Variants in NMT1 observed in about 807,000 individuals in gnomAD.
The protein encoded by NMT1 is glycylpeptide N-tetradecanoyltransferase 1.
A neutral mutation model predicts 63.4 loss-of-function variants in NMT1; 12 were observed. The ratio of observed to expected loss-of-function variants is 0.19; its 90% CI spans 0.12 to 0.31. The LOEUF (loss-of-function observed/expected upper bound fraction) is 0.31. Among genes scored for constraint, NMT1 ranks in the 10% least tolerant of loss-of-function variants. The pLI, the probability that NMT1 is intolerant of heterozygous loss-of-function variation, is 1.00. For synonymous variants in NMT1, 228 were observed against 234.3 expected (o/e 0.97, Z 0.25); for missense variants, 432 against 634.6 (o/e 0.68, Z 3.43).
At chr17:45,076,681 C>T (rs1384419652) in intron 1 of NMT1, among the ~76,000 whole-genome samples, 8 of 150,612 alleles carry the variant, frequency 5.3e-5, no homozygotes, top group East Asian at 3.9e-4. Context: ...ACCTAGGAGG[C>T]GGAGGCTGCA....
rs779405921 is a variant in NMT1 at position 45,086,534 on chromosome 17, C to G, written c.267C>G (p.Ile89Met). Residue 89 changes from isoleucine to methionine, a missense_variant, in exon 3 of 12, where the codon ATC becomes ATG. By Grantham distance (10) the Ile-to-Met change is conservative. Transcript: ENST00000258960. Reference sequence around the variant, plus strand: ...TGAACTCTTTGCCAGCAGAGAGGATCCAGGAAATACAGAAGGCCATTGAGC... The same window carrying G: ...TGAACTCTTTGCCAGCAGAGAGGATGCAGGAAATACAGAAGGCCATTGAGC... ...VKMNSLPAER[I>M]QEIQKAIELF... The G allele has an allele frequency of 1.2e-6, 2 of 1,611,872 alleles. No individual in the cohort carries two copies. Among genetic ancestry groups the G allele is most frequent in the Non-Finnish European group, 1.7e-6 (2 of 1,179,218 alleles).
At chr17:45,061,692 C>T (rs1597997506) in intron 1 of NMT1, 6 of 457,384 alleles carry the variant, frequency 1.3e-5, no homozygotes, top group Non-Finnish European at 2.4e-5. Context: ...AAGTTCTATG[C>T]AGTGTTCCAC....
chr17:45,080,790 G>C (rs924776881), intron 1 of NMT1, among the ~76,000 whole-genome samples: 1 of 148,238 alleles, frequency 6.7e-6, no homozygotes, highest in African/African-American at 2.5e-5. Flanking sequence ...TTTTTGAGAC[G>C]AGGTCTGTCT....
At chr17:45,079,631 A>G (rs987436971) in intron 1 of NMT1, among the ~76,000 whole-genome samples, 19 of 152,248 alleles carry the variant, frequency 1.2e-4, no homozygotes, top group Non-Finnish European at 5.9e-5. Flanking sequence ...AAGCAGCACA[A>G]GGAAGTCCCC....
At chr17:45,074,253 C>T (rs570893678) in intron 1 of NMT1, among the ~76,000 whole-genome samples, 3 of 147,360 alleles carry the variant, frequency 2.0e-5, no homozygotes, top group African/African-American at 5.1e-5. Flanking sequence ...CTCGCTCAGT[C>T]GCCCAGGCCG....
Position 45,104,662 on chromosome 17 carries a change from C to T in NMT1, c.1333-197C>T. 2.8e-6 allele frequency: 4 copies of T among 1,422,038 alleles called. No homozygotes were observed. Among genetic ancestry groups the T allele is most frequent in the Non-Finnish European group, 3.7e-6 (4 of 1,090,392 alleles). 88.1% of individuals were successfully genotyped at this position (1,422,038 alleles called of 1,614,324 possible). On this transcript the variant is annotated intron_variant, in intron 10 of 11. Transcript: ENST00000258960. This position sits in a 1 kb window ranked among gnomAD's most constrained non-coding sequence, Gnocchi z 4.2. ...CACTCTGAGGGACACTGGGCAGAGG[C>T]CAGGCTGGAGGGGGCGCTCAGAGTG...
At chr17:45,101,141 G>A (rs1408845537) in intron 8 of NMT1, among the ~76,000 whole-genome samples, 3 of 151,542 alleles carry the variant, frequency 2.0e-5, no homozygotes, top group Non-Finnish European at 2.9e-5. Flanking sequence ...CTGAGATAGC[G>A]CCATTGCACT....
At chr17:45,087,452 A>G (rs2054062236) in intron 3 of NMT1, among the ~76,000 whole-genome samples, 1 of 152,212 alleles carries the variant, frequency 6.6e-6, no homozygotes. Context: ...ACCCCTTAAA[A>G]AAGCTATAAT....
chr17:45,072,962 C>T (rs1438475880), intron 1 of NMT1, among the ~76,000 whole-genome samples: 1 of 152,148 alleles, frequency 6.6e-6, no homozygotes, highest in African/African-American at 2.4e-5. Context: ...CACAGCTGTC[C>T]TGTGCAAACA....
rs1271946369 is a variant in NMT1 at position 45,102,954 on chromosome 17, C to T, written c.997C>T (p.Pro333Ser). The T allele has an allele frequency of 1.2e-6, 2 of 1,610,362 alleles. No individual in the cohort carries two copies. Among genetic ancestry groups the T allele is most frequent in the Non-Finnish European group, 1.7e-6 (2 of 1,177,130 alleles). ...TMKLYRLPET[P>S]KTAGLRPMET... ...ATCTCTTCTGTCTTGCCTCCAGACT[C>T]CCAAGACAGCTGGGCTGCGACCAAT... The change falls in exon 9 of 12, where the codon CCC becomes TCC. Residue 333 changes from proline to serine, a missense_variant. Pro to Ser is a moderately conservative substitution (Grantham distance 74, BLOSUM62 -1). This residue lies in a region of NMT1 where 295 missense variants were observed against 489.7 expected (regional missense o/e 0.60). Coordinates refer to ENST00000258960, the MANE Select transcript of NMT1 (RefSeq NM_021079.5).
Position 45,099,485 on chromosome 17 carries a change from G to T in NMT1, c.965G>T (p.Arg322Leu). The T allele has an allele frequency of 6.2e-7, 1 of 1,613,930 alleles. No individual in the cohort carries two copies. Among genetic ancestry groups the T allele is most frequent in the South Asian group, 1.1e-5 (1 of 91,076 alleles). Residue 322 changes from arginine (R) to leucine (L), a missense_variant, in exon 8 of 12, where the codon CGC becomes CTC. This residue lies in a region of NMT1 where 295 missense variants were observed against 489.7 expected (regional missense o/e 0.60). Transcript: ENST00000258960. ...SHLSRNMTMQ[R>L]TMKLYRLPET... Reference sequence around the variant, plus strand: ...CTGAGCAGAAATATGACCATGCAGCGCACCATGAAGCTCTACCGACTGCCA... The same window carrying T: ...CTGAGCAGAAATATGACCATGCAGCTCACCATGAAGCTCTACCGACTGCCA...
At chr17:45,066,230 T>C (rs2143448745) in intron 1 of NMT1, among the ~76,000 whole-genome samples, 1 of 152,142 alleles carries the variant, frequency 6.6e-6, no homozygotes, top group African/African-American at 2.4e-5. Flanking sequence ...ATTTTTCATA[T>C]TTTAGTAGAG....
At chr17:45,066,908 T>TG (rs1459199503) in intron 1 of NMT1, among the ~76,000 whole-genome samples, 2 of 152,012 alleles carry the variant, frequency 1.3e-5, no homozygotes, top group African/African-American at 2.4e-5. Context: ...TCTGTAGAGA[T>TG]GGGGTCTCAC....
chr17:45,098,278 G>A lies in NMT1; in HGVS notation c.714-104G>A, dbSNP rs997385501. ...GCAGGTGGCAGCTAAAAGTACACCCGTGCTGCAGACCTGGTCCTTCTAGGT... is the reference window on the plus strand; with the variant it reads ...GCAGGTGGCAGCTAAAAGTACACCCATGCTGCAGACCTGGTCCTTCTAGGT... On this transcript the variant is annotated intron_variant, in intron 6 of 11. Coordinates refer to ENST00000258960, the MANE Select transcript of NMT1 (RefSeq NM_021079.5). 40 of 1,069,292 alleles carry A rather than the reference G, an allele frequency of 3.7e-5. No individual in the cohort carries two copies. The South Asian group carries it at 4.3e-4, about 11-fold the overall frequency. 66.2% of individuals were successfully genotyped at this position (1,069,292 alleles called of 1,614,324 possible). A position where few individuals can be genotyped will look rare whatever the true frequency, so the allele number is the denominator to read the frequency against.
At chr17:45,064,211 A>G (rs1306951543) in intron 1 of NMT1, among the ~76,000 whole-genome samples, 1 of 152,146 alleles carries the variant, frequency 6.6e-6, no homozygotes, top group Non-Finnish European at 1.5e-5. Context: ...AAATTATTTT[A>G]TTTGTAGTAG....
intron 8 of NMT1, chr17:45,099,851 G>T (rs2054149561): frequency 3.9e-6 from 1 of 256,824 alleles, no homozygotes; most frequent in African/African-American, 2.2e-5. Flanking sequence ...ACACACGGCA[G>T]CGCGTTCCAA....
chr17:45,102,901 A>G (rs763217149), intron 8 of NMT1, 50 bp from the exon 9 acceptor site: 1 of 1,547,076 alleles, frequency 6.5e-7, no homozygotes. Context: ...CCATGGATAG[A>G]TCCAGGGTGA....
intron 1 of NMT1, among the ~76,000 whole-genome samples, chr17:45,067,780 G>A (rs1364522124): frequency 6.6e-6 from 1 of 152,110 alleles, no homozygotes; most frequent in Non-Finnish European, 1.5e-5. Flanking sequence ...CAATTAAATG[G>A]CAATTAAAAA....
chr17:45,104,016 C>T lies in NMT1; in HGVS notation c.1332+140C>T. 1 of 1,590,406 alleles carries T rather than the reference C, an allele frequency of 6.3e-7. No homozygotes were observed. Among genetic ancestry groups the T allele is most frequent in the East Asian group, 2.2e-5 (1 of 44,540 alleles). ...CATCTGTTCTGCTTAGGCAGGGTTC[C>T]CGCAGTTTTTAGGCAGAAACTCAAA... On this transcript the variant is annotated intron_variant, in intron 10 of 11. Transcript: ENST00000258960. The surrounding 1 kb of genome is among the most constrained non-coding windows in gnomAD (Gnocchi z 4.2).
Sources: gnomAD v4.1 joint callset for allele counts (sites outside exome capture counted in the v4.1 genomes callset) on GRCh38, gnomAD v4.1.1 for gene constraint, gnomAD v4.1.1 regional missense constraint, Gnocchi (gnomAD v3.1) non-coding constraint, MANE v1.5 for transcripts, NCBI Gene and HGNC (gene_info 2026-07-23, HGNC 2026-07-21) for gene names.